The following CAP2 variants were observed in gnomAD, a reference collection of about 807,000 sequenced individuals.
CAP2 encodes cyclase associated actin cytoskeleton regulatory protein 2.
CAP2 carries 24 observed loss-of-function variants against 57.7 expected under a neutral mutation model. The ratio of observed to expected loss-of-function variants is 0.42; its 90% confidence interval spans 0.30 to 0.58. The LOEUF is 0.58. CAP2 is among the 20% of genes least tolerant of loss of function. The pLI is 0.22. For synonymous variants in CAP2, 194 were observed against 207.2 expected (o/e 0.94, Z 0.55); for missense variants, 501 against 590.3 (o/e 0.85, Z 1.57).
chr6:17,469,836 G>A (rs970679056), intron 4 of CAP2, among the ~76,000 whole-genome samples: 3 of 152,088 alleles, frequency 2.0e-5, no homozygotes, highest in South Asian at 2.1e-4. Context: ...ACAGTCCTCC[G>A]CTCAGCACTT....
At chr6:17,510,334 G>A (rs1421303510) in intron 6 of CAP2, among the ~76,000 whole-genome samples, 1 of 152,116 alleles carries the variant, frequency 6.6e-6, no homozygotes, top group Non-Finnish European at 1.5e-5. Context: ...TTTCAATAAA[G>A]CTGTTTTATT....
At chr6:17,529,519 T>G (rs1438396495) in intron 7 of CAP2, among the ~76,000 whole-genome samples, 1 of 151,706 alleles carries the variant, frequency 6.6e-6, no homozygotes, top group East Asian at 1.9e-4. Flanking sequence ...CAGGCGCCTG[T>G]AGTCCCAGCT....
rs1311552671 is a variant in CAP2, at chr6:17,536,287, A to G, written c.637-2982A>G. On this transcript the variant is annotated intron_variant, in intron 7 of 12. Transcript: ENST00000229922. ...TAAGTGACTTTGCAAGGGGCAGCTC[A>G]CGGAGATCCAGTGAAGGGAACATCT... The G allele has an allele frequency of 6.6e-6, 3 of 456,752 alleles. No individual in the cohort carries two copies. The Admixed American group carries it at 7.0e-5, about 11-fold the overall frequency. The allele number at this position is 456,752 out of a possible 1,614,324, so 28.3% of individuals were successfully genotyped here.
intron 4 of CAP2, among the ~76,000 whole-genome samples, chr6:17,479,430 C>A (rs1008563439): frequency 6.6e-6 from 1 of 151,804 alleles, no homozygotes; most frequent in Non-Finnish European, 1.5e-5. Context: ...GAAAACTTCA[C>A]TTCATTCCCA....
At chr6:17,547,704 G>A (rs1412393019) in intron 11 of CAP2, among the ~76,000 whole-genome samples, 1 of 152,034 alleles carries the variant, frequency 6.6e-6, no homozygotes, top group Non-Finnish European at 1.5e-5. Context: ...AACCAGGCGT[G>A]GTGGCGGGTG....
intron 4 of CAP2, among the ~76,000 whole-genome samples, chr6:17,488,955 TGCTG>T (rs1446671380): frequency 2.0e-5 from 3 of 152,186 alleles, no homozygotes; most frequent in Admixed American, 6.5e-5. Context: ...CTGATGCCCA[TGCTG>T]TGTGGAAACT....
chr6:17,431,075 C>T (rs1395412518), intron 3 of CAP2, among the ~76,000 whole-genome samples: 1 of 152,180 alleles, frequency 6.6e-6, no homozygotes, highest in African/African-American at 2.4e-5. Flanking sequence ...ACCACATGCT[C>T]TCACTAATAA....
intron 9 of CAP2, 35 bp downstream of exon 9, chr6:17,541,183 A>G (rs774862258): frequency 1.9e-6 from 3 of 1,540,420 alleles, no homozygotes; most frequent in East Asian, 2.3e-5. Context: ...TTTTCCTGAC[A>G]TGCGCCAATG....
At chr6:17,462,972 T>G in intron 3 of CAP2, 24 bp from the exon 4 acceptor site, 1 of 1,601,830 alleles carries the variant, frequency 6.2e-7, no homozygotes, top group South Asian at 1.1e-5. Flanking sequence ...ACATTGAAAC[T>G]GCCATCTTCC....
At position 17,526,120 on chromosome 6, in the gene CAP2, CT is replaced by C. The variant is rs1372740605; in HGVS notation, c.636+12180del. On this transcript the variant is annotated intron_variant, in intron 7 of 12. Coordinates refer to ENST00000229922, the MANE Select transcript of CAP2 (RefSeq NM_006366.3). ...TTTCAAAAGCTGCATGAAAATGTGTCTTTTTTTTTTTTTTAATGATGGAGTC... is the reference window on the plus strand; with the variant it reads ...TTTCAAAAGCTGCATGAAAATGTGTCTTTTTTTTTTTTTAATGATGGAGTC... Among the ~76,000 whole-genome samples, 535 of 141,858 alleles carry C rather than the reference CT, an allele frequency of 3.8e-3. 1 individual carries two copies. Among genetic ancestry groups the C allele is most frequent in the Admixed American group, 4.1e-3 (57 of 14,052 alleles). 93.1% of individuals were successfully genotyped at this position (141,858 alleles called of 152,430 possible).
chr6:17,483,081 A>G (rs1368745032), intron 4 of CAP2, among the ~76,000 whole-genome samples: 1 of 152,174 alleles, frequency 6.6e-6, no homozygotes, highest in Non-Finnish European at 1.5e-5. Flanking sequence ...GCTCAGGTGG[A>G]GAGTTCCAGG....
intron 4 of CAP2, among the ~76,000 whole-genome samples, chr6:17,482,507 C>CA (rs60053497): frequency 0.015 from 1,047 of 70,728 alleles, 46 homozygotes; most frequent in African/African-American, 0.027. Context: ...GACTCCATCT[C>CA]AAAAAAAAAA....
At chr6:17,424,581 A>G (rs1759534543) in intron 2 of CAP2, among the ~76,000 whole-genome samples, 1 of 152,140 alleles carries the variant, frequency 6.6e-6, no homozygotes, top group African/African-American at 2.4e-5. Context: ...TTGCGTTTTT[A>G]TAATGCGACA....
chr6:17,425,833 G>A (rs1426883906), intron 2 of CAP2, among the ~76,000 whole-genome samples: 6 of 152,174 alleles, frequency 3.9e-5, no homozygotes, highest in East Asian at 3.9e-4. Flanking sequence ...GGTGGCTCAC[G>A]CCTGTAATCC....
intron 7 of CAP2, among the ~76,000 whole-genome samples, chr6:17,527,813 G>A (rs552770378): frequency 1.3e-5 from 2 of 152,242 alleles, no homozygotes; most frequent in Non-Finnish European, 2.9e-5. Flanking sequence ...CTGTTGGCCA[G>A]GCTGGTCTCG....
intron 3 of CAP2, among the ~76,000 whole-genome samples, chr6:17,451,522 T>A (rs1484314791): frequency 6.6e-6 from 1 of 152,080 alleles, no homozygotes. Context: ...TACTTTTTTT[T>A]TTTTTGAGAC....
intron 1 of CAP2, among the ~76,000 whole-genome samples, chr6:17,410,594 G>T (rs1454144377): frequency 6.6e-6 from 1 of 151,416 alleles, no homozygotes. Flanking sequence ...TTTTGAGACG[G>T]AGTCCAGAGC....
intron 4 of CAP2, among the ~76,000 whole-genome samples, chr6:17,496,033 G>GGGGGGGA (rs1761661109): frequency 2.4e-5 from 3 of 126,688 alleles, no homozygotes; most frequent in African/African-American, 1.0e-4. Context: ...TGGGTGGGGG[G>GGGGGGGA]GGGGGGTAAG....
At chr6:17,529,360 G>C (rs891920600) in intron 7 of CAP2, among the ~76,000 whole-genome samples, 1 of 151,820 alleles carries the variant, frequency 6.6e-6, no homozygotes, top group Middle Eastern at 3.4e-3. Context: ...AACACACTCT[G>C]TCTGGGCGTG....
Sources: gnomAD v4.1 joint callset for allele counts (sites outside exome capture counted in the v4.1 genomes callset) on GRCh38, gnomAD v4.1.1 for gene constraint, MANE v1.5 for transcripts, NCBI Gene and HGNC (gene_info 2026-07-23, HGNC 2026-07-21) for gene names.